PLEKHA6: variants seen among roughly 807,000 people sequenced by gnomAD.
The protein encoded by PLEKHA6 is pleckstrin homology domain-containing family A member 6.
Under a neutral mutation model 116.7 loss-of-function variants are expected in PLEKHA6, and 60 were observed. The ratio of observed to expected loss-of-function variants is 0.51; its 90% confidence interval spans 0.42 to 0.64. The LOEUF is 0.64. Ranked by LOEUF, PLEKHA6 falls within the 30% of genes least tolerant of loss-of-function variation. PLEKHA6 has a pLI of 0.00. For synonymous variants in PLEKHA6, 489 were observed against 556.1 expected (o/e 0.88, Z 1.70); for missense variants, 1,338 against 1,422.7 (o/e 0.94, Z 0.96).
Position 204,257,494 on chromosome 1 carries a change from G to T in PLEKHA6, c.1383C>A (p.Ser461Arg). 1 of 1,583,558 alleles carries T rather than the reference G, an allele frequency of 6.3e-7. No individual in the cohort carries two copies. Among genetic ancestry groups the T allele is most frequent in the Admixed American group, 1.8e-5 (1 of 55,498 alleles). The change falls in exon 9 of 23, where the codon AGC (serine) becomes AGA (arginine). Residue 461 changes from serine (S) to arginine (R), a missense_variant. Coordinates refer to ENST00000272203, the MANE Select transcript of PLEKHA6 (RefSeq NM_014935.5). This position sits in a 1 kb window ranked among gnomAD's most constrained non-coding sequence, Gnocchi z 6.5. The part of the protein sequence containing the change: ...PRSHSVPRSP[S>R]QGSYSRARIY... ...TGCGGGCACGGCTGTAGGAGCCCTG[G>T]CTGGGTGAGCGGGGCACAGAGTGGG...
intron 15 of PLEKHA6, among the ~76,000 whole-genome samples, chr1:204,242,529 A>G (rs1219270668): frequency 2.6e-5 from 4 of 152,188 alleles, no homozygotes; most frequent in Non-Finnish European, 5.9e-5. Context: ...GAGTTTTCCA[A>G]TTTTAGGCAC....
At chr1:204,263,789 G>T (rs531638177) in intron 6 of PLEKHA6, among the ~76,000 whole-genome samples, 1 of 152,048 alleles carries the variant, frequency 6.6e-6, no homozygotes, top group African/African-American at 2.4e-5. Context: ...ACTTGTTGTT[G>T]GTTAAACAGC....
chr1:204,355,063 C>A (rs1039699818), intron 1 of PLEKHA6, among the ~76,000 whole-genome samples: 6 of 152,316 alleles, frequency 3.9e-5, no homozygotes, highest in African/African-American at 1.4e-4. Context: ...CATGTGGGGG[C>A]TCCAGGAAAG....
chr1:204,368,853 C>G (rs1673719228), intron 2 of PLEKHA6: 1 of 152,252 alleles, frequency 6.6e-6, no homozygotes, highest in Non-Finnish European at 1.5e-5. Flanking sequence ...TGCCACCTTT[C>G]TGGTCAGTCC....
chr1:204,333,759 G>A (rs1027989659), intron 1 of PLEKHA6, among the ~76,000 whole-genome samples: 1 of 152,186 alleles, frequency 6.6e-6, no homozygotes, highest in Non-Finnish European at 1.5e-5. Flanking sequence ...GGAACCTCCT[G>A]GCCCCTGCTC....
intron 1 of PLEKHA6, among the ~76,000 whole-genome samples, chr1:204,344,902 G>A (rs1672978038): frequency 6.6e-6 from 1 of 152,198 alleles, no homozygotes; most frequent in South Asian, 2.1e-4. Context: ...AGGAAAAAAT[G>A]TGGGTGTAAG....
At chr1:204,340,613 C>T (rs1672812660) in intron 1 of PLEKHA6, among the ~76,000 whole-genome samples, 1 of 152,144 alleles carries the variant, frequency 6.6e-6, no homozygotes, top group Non-Finnish European at 1.5e-5. Context: ...AAGTAGGTAC[C>T]CTGACCCCCA....
chr1:204,377,287 G>T (rs1258740636), intron 1 of PLEKHA6, among the ~76,000 whole-genome samples: 1 of 152,196 alleles, frequency 6.6e-6, no homozygotes, highest in Non-Finnish European at 1.5e-5. Context: ...CATTGGTCTA[G>T]TCATCCTCCT....
At chr1:204,366,353 G>C (rs771064444) in intron 3 of PLEKHA6, among the ~76,000 whole-genome samples, 1 of 152,144 alleles carries the variant, frequency 6.6e-6, no homozygotes, top group Non-Finnish European at 1.5e-5. Flanking sequence ...GGAAGACGAA[G>C]AAGGAGGAAG....
rs1456255917 is a variant in PLEKHA6, at chr1:204,219,270, G to A, written c.*3518C>T. 1.3e-5 allele frequency: 2 copies of A among 152,088 alleles called. No individual in the cohort carries two copies. The highest frequency in any genetic ancestry group is 2.4e-5 in the African/African-American group (1 of 41,220). 9.4% of individuals were successfully genotyped at this position (152,088 alleles called of 1,614,324 possible). ...ATATATATATATATATAATGTGTGT[G>A]TATATCATATTTTTTCTTAGTTTTA... On this transcript the variant is annotated 3_prime_UTR_variant, in exon 23 of 23. Transcript: ENST00000272203.
At chr1:204,377,008 C>T (rs80349542) in intron 1 of PLEKHA6, among the ~76,000 whole-genome samples, 2,666 of 152,196 alleles carry the variant, frequency 0.018, 76 homozygotes, top group African/African-American at 0.061. Context: ...AGCAAAGGCG[C>T]GCTCTCTCTC....
intron 1 of PLEKHA6, among the ~76,000 whole-genome samples, chr1:204,288,312 C>G (rs1421289544): frequency 6.6e-6 from 1 of 152,218 alleles, no homozygotes; most frequent in East Asian, 1.9e-4. Flanking sequence ...GTCCCTTCTA[C>G]TCTGCCCTGA....
At chr1:204,272,657 G>A (rs1240241973) in intron 3 of PLEKHA6, among the ~76,000 whole-genome samples, 1 of 151,998 alleles carries the variant, frequency 6.6e-6, no homozygotes, top group Non-Finnish European at 1.5e-5. Context: ...CTCCCTAGAG[G>A]CAACCACTGA....
At chr1:204,318,678 T>C (rs1042070530) in intron 1 of PLEKHA6, among the ~76,000 whole-genome samples, 3 of 152,238 alleles carry the variant, frequency 2.0e-5, no homozygotes, top group African/African-American at 7.2e-5. Flanking sequence ...CAGAGCTTTC[T>C]ACTACAATAG....
At chr1:204,363,686 A>G (rs1377351339), upstream of PLEKHA6, among the ~76,000 whole-genome samples, 1 of 152,152 alleles carries the variant, frequency 6.6e-6, no homozygotes, top group Non-Finnish European at 1.5e-5. Flanking sequence ...ATCTTTAAGC[A>G]TCAGAAAGAC....
intron 1 of PLEKHA6, among the ~76,000 whole-genome samples, chr1:204,319,057 C>T (rs1344910345): frequency 6.6e-6 from 1 of 152,180 alleles, no homozygotes. Flanking sequence ...ATGCAAAGTC[C>T]CCCAAAAACA....
chr1:204,276,119 A>G (rs1185959758), intron 1 of PLEKHA6, among the ~76,000 whole-genome samples: 1 of 149,484 alleles, frequency 6.7e-6, no homozygotes. Context: ...TAAAGATAAT[A>G]TCAAAGAGTG....
upstream of PLEKHA6, among the ~76,000 whole-genome samples, chr1:204,362,261 GA>G (rs1673576804): frequency 6.6e-6 from 1 of 152,204 alleles, no homozygotes; most frequent in Non-Finnish European, 1.5e-5. Flanking sequence ...CCCAGAAGAG[GA>G]GAAGCAAGCC....
intron 17 of PLEKHA6, among the ~76,000 whole-genome samples, chr1:204,240,900 A>G (rs1662714631): frequency 6.6e-6 from 1 of 152,144 alleles, no homozygotes; most frequent in African/African-American, 2.4e-5. Flanking sequence ...GCTGCCAGTG[A>G]ATATAAAGCA....
Sources: gnomAD v4.1 joint callset for allele counts (sites outside exome capture counted in the v4.1 genomes callset) on GRCh38, gnomAD v4.1.1 for gene constraint, Gnocchi (gnomAD v3.1) non-coding constraint, MANE v1.5 for transcripts, NCBI Gene and HGNC (gene_info 2026-07-23, HGNC 2026-07-21) for gene names.